The following CP variants were observed in gnomAD, a reference collection of about 807,000 sequenced individuals.
CP encodes the protein caeruloplasmin.
A neutral mutation model predicts 122.4 loss-of-function variants in CP; 64 were observed. The ratio of observed to expected loss-of-function variants is 0.52; its 90% CI spans 0.43 to 0.64. The LOEUF (loss-of-function observed/expected upper bound fraction) is 0.64. Ranked by LOEUF, CP falls within the 30% of genes least tolerant of loss-of-function variation. The pLI is 0.00. For synonymous variants in CP, 440 were observed against 436.4 expected (o/e 1.01, Z -0.10); for missense variants, 1,167 against 1,284.4 (o/e 0.91, Z 1.40).
At chr3:149,165,600 C>T (rs978859715) in intron 5 of CP, among the ~76,000 whole-genome samples, 1 of 152,038 alleles carries the variant, frequency 6.6e-6, no homozygotes, top group Non-Finnish European at 1.5e-5. Flanking sequence ...CCTCGGGTTC[C>T]CAAAGTTCTG....
Position 149,213,343 on chromosome 3 carries a change from G to C in CP, c.147-645C>G, listed in dbSNP as rs141327126. Among the ~76,000 whole-genome samples the C allele has an allele frequency of 3.9e-5, 6 of 152,238 alleles. 1 individual carries two copies. Among genetic ancestry groups the C allele is most frequent in the African/African-American group, 1.4e-4 (6 of 41,538 alleles). ...CTCACTAGTACAGATACTTAACATTGAATGTTTGTATTCTAGTGAATGTCC... is the reference window on the plus strand; with the variant it reads ...CTCACTAGTACAGATACTTAACATTCAATGTTTGTATTCTAGTGAATGTCC... On this transcript the variant is annotated intron_variant, in intron 1 of 18. Transcript: ENST00000264613.
At chr3:149,185,544 T>G in intron 11 of CP, 98 bp from the exon 12 acceptor site, 1 of 1,111,444 alleles carries the variant, frequency 9.0e-7, no homozygotes, top group Non-Finnish European at 1.3e-6. Flanking sequence ...TATCATGGCC[T>G]CAGGTGATCT....
At chr3:149,208,818 T>C (rs929585999) in intron 4 of CP, among the ~76,000 whole-genome samples, 1 of 152,170 alleles carries the variant, frequency 6.6e-6, no homozygotes, top group African/African-American at 2.4e-5. Flanking sequence ...TCAGAACTCG[T>C]GGTTTGAACT....
At position 149,182,055 on chromosome 3, in the gene CP, T is replaced by A; in HGVS notation, c.2504A>T (p.His835Leu). Residue 835 changes from histidine (H) to leucine (L), a missense_variant, in exon 14 of 19, where the codon CAT (histidine) becomes CTT (leucine). His to Leu is a moderately conservative substitution (Grantham distance 99, BLOSUM62 -3). Around this residue, in one of 2 missense-constraint regions of CP, gnomAD observed 525 missense variants for 657.2 expected, o/e 0.80. Transcript: ENST00000264613. ...ACTCTCTGTTTGTACCCCATGGGCA[T>A]GTATTGAGTAGGGCCTTGTGGCCAT... ...KNMATRPYSI[H>L]AHGVQTESST... 1 of 1,556,498 alleles carries A rather than the reference T, an allele frequency of 6.4e-7. No homozygotes were observed. The highest frequency in any genetic ancestry group is 8.7e-7 in the Non-Finnish European group (1 of 1,145,848).
chr3:149,192,347 A>G (rs574672269), intron 9 of CP, among the ~76,000 whole-genome samples: 39 of 152,232 alleles, frequency 2.6e-4, no homozygotes, highest in Middle Eastern at 3.4e-3. Context: ...AGTTGTTTAG[A>G]AAAGATAAAA....
chr3:149,221,666 T>G lies in CP; in HGVS notation c.127A>C (p.Lys43Gln). The G allele has an allele frequency of 2.5e-6, 4 of 1,612,164 alleles. No homozygotes were observed. The highest frequency in any genetic ancestry group is 3.4e-6 in the Non-Finnish European group (4 of 1,179,502). ...WDYASDHGEKKLISVDTEHSN... is the reference protein window; with the variant it reads ...WDYASDHGEKQLISVDTEHSN... ...ACTTACGTGTCAACAGAAATAAGTT[T>G]CTTTTCCCCATGGTCAGAGGCATAA... is the stretch of plus-strand genomic sequence containing the variant. The change falls in exon 1 of 19, where the codon AAA becomes CAA. Residue 43 changes from lysine to glutamine, a missense_variant. Around this residue, in one of 2 missense-constraint regions of CP, gnomAD observed 642 missense variants for 627.3 expected, o/e 1.02. Coordinates refer to ENST00000264613, the MANE Select transcript of CP (RefSeq NM_000096.4).
chr3:149,184,536 A>G (rs35976863), intron 12 of CP, among the ~76,000 whole-genome samples: 14,588 of 152,122 alleles, frequency 0.096, 905 homozygotes, highest in African/African-American at 0.17. Flanking sequence ...GATCATCTCC[A>G]TGTGGTCAGC....
exon 6 of CP, chr3:149,162,796 T>A: frequency 6.2e-7 from 1 of 1,614,062 alleles, no homozygotes; most frequent in Non-Finnish European, 8.5e-7. Flanking sequence ...GAACTCTTTT[T>A]CAAACTCACA....
At chr3:149,217,845 A>G (rs1264728355) in intron 1 of CP, 1 of 433,164 alleles carries the variant, frequency 2.3e-6, no homozygotes, top group Non-Finnish European at 4.7e-6. Context: ...TCAAGATCAT[A>G]ATTATAGTAA....
chr3:149,221,019 ACCAT>A (rs1161039480), intron 1 of CP, among the ~76,000 whole-genome samples: 1 of 152,096 alleles, frequency 6.6e-6, no homozygotes, highest in South Asian at 2.1e-4. Flanking sequence ...CTTTTTGAGG[ACCAT>A]CCTAATAAGT....
At chr3:149,201,970 A>G in intron 7 of CP, 132 bp downstream of exon 7, 1 of 1,171,612 alleles carries the variant, frequency 8.5e-7, no homozygotes, top group African/African-American at 1.5e-5. Flanking sequence ...GCTGCATTTT[A>G]TTGTTTTATC....
At chr3:149,177,249 A>G (rs922976268) in intron 17 of CP, among the ~76,000 whole-genome samples, 15 of 152,200 alleles carry the variant, frequency 9.9e-5, no homozygotes, top group African/African-American at 3.4e-4. Flanking sequence ...ATCCATCATT[A>G]TGTGAACATT....
chr3:149,196,560 G>A (rs544650550), intron 9 of CP, among the ~76,000 whole-genome samples: 9 of 152,228 alleles, frequency 5.9e-5, no homozygotes, highest in South Asian at 2.1e-4. Flanking sequence ...CTGGTGTCTC[G>A]TTATACTAGA....
chr3:149,162,904 A>AT (rs759795568), intron 5 of CP: 1 of 1,564,676 alleles, frequency 6.4e-7, no homozygotes, highest in African/African-American at 1.4e-5. Flanking sequence ...AATACCTTAA[A>AT]TTTAACTCAT....
At chr3:149,195,020 T>C (rs1726806087) in intron 9 of CP, among the ~76,000 whole-genome samples, 2 of 152,172 alleles carry the variant, frequency 1.3e-5, no homozygotes, top group South Asian at 4.1e-4. Flanking sequence ...ATAAATATTT[T>C]AGTAGATGAT....
At position 149,186,591 on chromosome 3, in the gene CP, C is replaced by T. The variant is rs2108239462; in HGVS notation, c.2006G>A (p.Gly669Glu). The change falls in exon 11 of 19, where the codon GGA (glycine) becomes GAA (glutamate). Residue 669 changes from glycine to glutamate, a missense_variant. Transcript: ENST00000264613. ...YFSGNTYLWR[G>E]ERRDTANLFP... ...GAGGTTTGCTGTGTCTCTCCGTTCT[C>T]CTCTCCACAGATATGTGTTTCCTGA... 6.2e-7 allele frequency: 1 copy of T among 1,614,186 alleles called. No homozygotes were observed. Among genetic ancestry groups the T allele is most frequent in the African/African-American group, 1.3e-5 (1 of 75,038 alleles).
intron 2 of CP, 151 bp downstream of exon 2, chr3:149,212,299 CA>C (rs1288405197): frequency 5.0e-4 from 381 of 764,470 alleles, no homozygotes; most frequent in South Asian, 6.8e-4. Context: ...TGACAGAAGT[CA>C]AAAAAAATTA....
intron 17 of CP, 41 bp from the exon 18 acceptor site, chr3:149,176,453 T>G (rs1334653203): frequency 1.4e-6 from 2 of 1,442,352 alleles, no homozygotes; most frequent in East Asian, 2.3e-5. Context: ...ATATTGTATA[T>G]GAGAGTTCAC....
In CP at chr3:149,200,708, G is replaced by A. The variant is rs569647607; in HGVS notation, c.1349-844C>T. On this transcript the variant is annotated intron_variant, in intron 7 of 18. Coordinates refer to ENST00000264613, the MANE Select transcript of CP (RefSeq NM_000096.4). ...TTTTTTTTAGTAGAGATGGGGTTTC[G>A]CCATGTTGACCAGGCTAGTCTCGAA... Among the ~76,000 whole-genome samples, 29 of 150,482 alleles carry A rather than the reference G, an allele frequency of 1.9e-4. No homozygotes were observed. In the South Asian group the frequency reaches 5.7e-3, roughly 29 times the overall value.
Sources: allele counts gnomAD v4.1 joint callset (sites outside exome capture counted in the v4.1 genomes callset), GRCh38; gene constraint gnomAD v4.1.1; regional missense constraint gnomAD v4.1.1; transcripts MANE v1.5; gene names NCBI Gene and HGNC (gene_info 2026-07-23, HGNC 2026-07-21).